CNTN4: variants seen among roughly 807,000 people sequenced by gnomAD.
The protein encoded by CNTN4 is contactin 4, also known as contactin-4.
CNTN4 carries 77 observed loss-of-function variants against 122.5 expected under a neutral mutation model. The observed-to-expected ratio is 0.63, with a 90% CI of 0.52 to 0.76. CNTN4 has a LOEUF of 0.76. Ranked by LOEUF, CNTN4 falls within the 30% of genes least tolerant of loss-of-function variation. The pLI is 0.00. For synonymous variants in CNTN4, 512 were observed against 447.0 expected, an observed-to-expected ratio of 1.15 and a Z score of -1.83; for missense variants, 1,256 against 1,259.1, an observed-to-expected ratio of 1.00 and a Z score of 0.04.
chr3:2,956,338 GA>G, intron 13 of CNTN4, among the ~76,000 whole-genome samples: 1 of 152,196 alleles, frequency 6.6e-6, no homozygotes, highest in East Asian at 1.9e-4. Flanking sequence ...TAGAGATGAT[GA>G]AAAAGTTCTG....
At chr3:2,879,064 C>T (rs180892437) in intron 8 of CNTN4, among the ~76,000 whole-genome samples, 63 of 152,214 alleles carry the variant, frequency 4.1e-4, no homozygotes, top group African/African-American at 1.4e-3. Context: ...ATACCCAGTG[C>T]CCCTGAATGT....
intron 3 of CNTN4, among the ~76,000 whole-genome samples, chr3:2,432,377 A>T (rs1339272578): frequency 6.6e-6 from 1 of 152,230 alleles, no homozygotes; most frequent in African/African-American, 2.4e-5. Context: ...ACAGACAAAA[A>T]TTAATAGTCA....
chr3:3,050,060 C>T (rs748149493), intron 23 of CNTN4, among the ~76,000 whole-genome samples: 1 of 152,174 alleles, frequency 6.6e-6, no homozygotes, highest in African/African-American at 2.4e-5. Context: ...CGCCCTTTTA[C>T]AACAGTGCTA....
At chr3:2,337,943 A>G (rs1208696274) in intron 2 of CNTN4, among the ~76,000 whole-genome samples, 2 of 152,076 alleles carry the variant, frequency 1.3e-5, no homozygotes, top group Non-Finnish European at 2.9e-5. Context: ...TAAGAAAGAT[A>G]GGTGTTTAGA....
chr3:2,542,575 T>C (rs111444473), intron 3 of CNTN4, among the ~76,000 whole-genome samples: 2 of 152,266 alleles, frequency 1.3e-5, no homozygotes, highest in Non-Finnish European at 2.9e-5. Context: ...TTTTGCTGAA[T>C]GTCAGATCGA....
chr3:2,903,118 TA>T, intron 12 of CNTN4, 113 bp downstream of exon 12: 1 of 1,058,484 alleles, frequency 9.4e-7, no homozygotes, highest in Non-Finnish European at 1.4e-6. Flanking sequence ...AAGAAATCTT[TA>T]GGCCAAAGAT....
intron 6 of CNTN4, among the ~76,000 whole-genome samples, chr3:2,763,615 T>G (rs557340485): frequency 6.6e-6 from 1 of 152,190 alleles, no homozygotes; most frequent in Non-Finnish European, 1.5e-5. Flanking sequence ...TTTATAGTTT[T>G]GGGTTTTATG....
rs2086959050 is a variant in CNTN4 at position 2,709,298 on chromosome 3, A to G, written c.56-26917A>G. Among the ~76,000 whole-genome samples, 1 of 152,202 alleles carries G rather than the reference A, an allele frequency of 6.6e-6. No individual in the cohort carries two copies. The highest frequency in any genetic ancestry group is 2.4e-5 in the African/African-American group (1 of 41,454). On this transcript the variant is annotated intron_variant, in intron 4 of 24. Coordinates refer to ENST00000418658, the MANE Select transcript of CNTN4 (RefSeq NM_175607.3). The surrounding 1 kb of genome is among the most constrained non-coding windows in gnomAD (Gnocchi z 5.0). ...AGAGACCTGAATTTATAATTAGTACAGTGTGATTCTCAACCTTGGCTGCAT... is the reference window on the plus strand; with the variant it reads ...AGAGACCTGAATTTATAATTAGTACGGTGTGATTCTCAACCTTGGCTGCAT...
rs2038106368 is a variant in CNTN4 at position 2,201,792 on chromosome 3, C to T, written c.-145+101153C>T. On this transcript the variant is annotated intron_variant, in intron 2 of 24. Coordinates refer to ENST00000418658, the MANE Select transcript of CNTN4 (RefSeq NM_175607.3). ...TTTAGTCTTTACCACTTAAAATTTT[C>T]AGACTTTTCTCCCCGCTTCAGATAT... 2.0e-5 allele frequency among the ~76,000 whole-genome samples: 3 copies of T among 152,026 alleles called. No individual in the cohort carries two copies. In the South Asian group the frequency reaches 6.2e-4, roughly 32 times the overall value.
At chr3:2,287,697 GAAGAAGAAGAAGAGGAAGAA>G (rs1559415839) in intron 2 of CNTN4, among the ~76,000 whole-genome samples, 12 of 79,546 alleles carry the variant, frequency 1.5e-4, no homozygotes, top group Non-Finnish European at 2.7e-4. Flanking sequence ...AGAAGAGGAA[GAAGAAGAAGAAGAGGAAGAA>G]GAAGAAGAAG....
chr3:2,287,638 A>G (rs2955392), intron 2 of CNTN4, among the ~76,000 whole-genome samples: 29,050 of 57,498 alleles, frequency 0.51, 5,223 homozygotes, highest in Non-Finnish European at 0.54. Flanking sequence ...GAAGGAGAAG[A>G]AGAAGAAGAA....
chr3:2,710,098 G>C (rs1232455533), intron 4 of CNTN4, among the ~76,000 whole-genome samples: 1 of 152,192 alleles, frequency 6.6e-6, no homozygotes, highest in Non-Finnish European at 1.5e-5. Context: ...ACCACAGTTA[G>C]TAAATACAGA....
intron 3 of CNTN4, among the ~76,000 whole-genome samples, chr3:2,375,835 T>C (rs1358542742): frequency 6.6e-6 from 1 of 152,128 alleles, no homozygotes; most frequent in Non-Finnish European, 1.5e-5. Context: ...GCCTCTGAAT[T>C]GCTTGAAAAT....
At chr3:2,469,702 C>T (rs2075619246) in intron 3 of CNTN4, among the ~76,000 whole-genome samples, 3 of 152,144 alleles carry the variant, frequency 2.0e-5, no homozygotes, top group South Asian at 2.1e-4. Flanking sequence ...TACATTGTGT[C>T]AGTACAAAAA....
At chr3:2,660,305 G>A (rs1381851852) in intron 4 of CNTN4, among the ~76,000 whole-genome samples, 1 of 152,080 alleles carries the variant, frequency 6.6e-6, no homozygotes, top group Non-Finnish European at 1.5e-5. Flanking sequence ...ATTTAAGAAA[G>A]ACGTCCTAAT....
chr3:2,190,491 G>A (rs6786548), intron 2 of CNTN4, among the ~76,000 whole-genome samples: 112,422 of 151,838 alleles, frequency 0.74, 42,188 homozygotes, highest in South Asian at 0.83. Flanking sequence ...TTTAGGAGCT[G>A]GAAAGATTTC....
intron 3 of CNTN4, among the ~76,000 whole-genome samples, chr3:2,489,400 G>A (rs1378868347): frequency 2.0e-5 from 3 of 152,116 alleles, no homozygotes; most frequent in Admixed American, 6.6e-5. Context: ...TGGGCTAAAG[G>A]AAAGAAGCCC....
chr3:2,347,410 C>CTTTTT (rs10664705), intron 3 of CNTN4, among the ~76,000 whole-genome samples: 9,295 of 113,016 alleles, frequency 0.082, 761 homozygotes, highest in Non-Finnish European at 0.093. Context: ...GAAATACAAT[C>CTTTTT]TTTTTTTTTT....
intron 3 of CNTN4, among the ~76,000 whole-genome samples, chr3:2,563,051 T>C (rs2079023773): frequency 6.6e-6 from 1 of 152,194 alleles, no homozygotes; most frequent in African/African-American, 2.4e-5. Context: ...TCTGGGTATA[T>C]ACCCAGTAAT....
Sources: gnomAD v4.1 joint callset for allele counts (sites outside exome capture counted in the v4.1 genomes callset) on GRCh38, gnomAD v4.1.1 for gene constraint, Gnocchi (gnomAD v3.1) non-coding constraint, MANE v1.5 for transcripts, NCBI Gene and HGNC (gene_info 2026-07-23, HGNC 2026-07-21) for gene names.